ALMS1: variants seen among roughly 807,000 people sequenced by gnomAD.
ALMS1 encodes ALMS1 centrosome and basal body associated protein, also known as centrosome-associated protein ALMS1.
In ALMS1, 271 loss-of-function variants were observed where a neutral mutation model predicts 352.2. The observed-to-expected ratio is 0.77, with a 90% CI of 0.70 to 0.85. ALMS1 has a LOEUF of 0.85. ALMS1 is among the 40% of genes least tolerant of loss of function. The pLI is 0.00. For missense variants in ALMS1, 5,445 were observed against 4,870.7 expected (o/e 1.12, Z -3.51); for synonymous variants, 1,865 against 1,761.2 (o/e 1.06, Z -1.48).
rs1005023202 is a variant in ALMS1, at chr2:73,483,567, G to C, written c.7675-6067G>C. Reference sequence around the variant, plus strand: ...ATATTCTGTTGATTTGGGGTGGAGAGTTCTGTAGATGTCTATTAGGTCCAC... The same window carrying C: ...ATATTCTGTTGATTTGGGGTGGAGACTTCTGTAGATGTCTATTAGGTCCAC... On this transcript the variant is annotated intron_variant, in intron 9 of 22. Coordinates refer to ENST00000613296, the MANE Select transcript of ALMS1 (RefSeq NM_001378454.1). 1.2e-4 allele frequency among the ~76,000 whole-genome samples: 18 copies of C among 151,876 alleles called. No individual in the cohort carries two copies. The South Asian group carries it at 2.7e-3, about 23-fold the overall frequency.
chr2:73,500,364 A>G (rs944455392), intron 10 of ALMS1, among the ~76,000 whole-genome samples: 2 of 152,066 alleles, frequency 1.3e-5, no homozygotes, highest in African/African-American at 4.8e-5. Context: ...AGGTACTTTT[A>G]TCCCTTTTCT....
At chr2:73,474,990 TTGTAA>T (rs1160234392) in intron 9 of ALMS1, among the ~76,000 whole-genome samples, 2 of 152,162 alleles carry the variant, frequency 1.3e-5, no homozygotes, top group Non-Finnish European at 2.9e-5. Flanking sequence ...ATAAACAGAA[TTGTAA>T]TGTATGATCT....
intron 16 of ALMS1, among the ~76,000 whole-genome samples, chr2:73,586,934 G>A (rs1055534142): frequency 6.6e-6 from 1 of 151,884 alleles, no homozygotes; most frequent in Non-Finnish European, 1.5e-5. Flanking sequence ...TCAGCAGTGT[G>A]TTTCTCATTT....
chr2:73,564,089 G>A (rs1171169154), intron 15 of ALMS1, among the ~76,000 whole-genome samples: 1 of 150,526 alleles, frequency 6.6e-6, no homozygotes, highest in Non-Finnish European at 1.5e-5. Flanking sequence ...AGCCTATATG[G>A]GTTAAACTTA....
chr2:73,534,994 T>C, intron 12 of ALMS1, 45 bp downstream of exon 12: 1 of 1,610,302 alleles, frequency 6.2e-7, no homozygotes, highest in Middle Eastern at 1.7e-4. Flanking sequence ...TGATATTTTA[T>C]TTGTGTATTG....
intron 9 of ALMS1, among the ~76,000 whole-genome samples, chr2:73,464,414 C>G (rs1012741655): frequency 3.9e-5 from 6 of 152,284 alleles, no homozygotes; most frequent in African/African-American, 1.4e-4. Flanking sequence ...GCTAGAAACT[C>G]TCAATAAATG....
At chr2:73,529,310 T>C (rs544692779) in intron 11 of ALMS1, among the ~76,000 whole-genome samples, 1 of 152,208 alleles carries the variant, frequency 6.6e-6, no homozygotes, top group South Asian at 2.1e-4. Context: ...TCCCAAAGTG[T>C]TGGAATTACA....
chr2:73,484,280 ATC>A (rs1275713968), intron 9 of ALMS1, among the ~76,000 whole-genome samples: 1 of 150,760 alleles, frequency 6.6e-6, no homozygotes, highest in East Asian at 1.9e-4. Context: ...TGGTGACAAA[ATC>A]TCTCAGCATT....
chr2:73,393,890 G>A (rs930958576), intron 1 of ALMS1, among the ~76,000 whole-genome samples: 15 of 148,512 alleles, frequency 1.0e-4, no homozygotes, highest in Non-Finnish European at 1.8e-4. Flanking sequence ...GTGCAATCTC[G>A]GCTCACTGCA....
intron 10 of ALMS1, among the ~76,000 whole-genome samples, chr2:73,511,423 G>A (rs1226212066): frequency 1.3e-5 from 2 of 151,982 alleles, no homozygotes; most frequent in Non-Finnish European, 2.9e-5. Context: ...AGGGGAGGGA[G>A]TTCCCCAACC....
intron 10 of ALMS1, among the ~76,000 whole-genome samples, chr2:73,515,057 A>T (rs150457670): frequency 3.9e-5 from 6 of 152,132 alleles, no homozygotes; most frequent in Non-Finnish European, 5.9e-5. Context: ...TTCTCCTAGG[A>T]GTAAGATTAC....
rs775453044 is a variant in ALMS1, at chr2:73,573,306, G to T, written c.11429G>T (p.Ser3810Ile). 1 of 1,614,066 alleles carries T rather than the reference G, an allele frequency of 6.2e-7. No homozygotes were observed. The highest frequency in any genetic ancestry group is 2.2e-5 in the East Asian group (1 of 44,874). ...CLSPRRIKLY[S>I]SITNQQRRYL... ...TCACCCAGACGAATTAAATTATATA[G>T]CAGCATCACCAACCAACAGAGGAGA... Residue 3810 changes from serine to isoleucine, a missense_variant, in exon 16 of 23, where the codon AGC (serine) becomes ATC (isoleucine). By Grantham distance (142) the Ser-to-Ile change is moderately radical (BLOSUM62 -2). Coordinates refer to ENST00000613296, the MANE Select transcript of ALMS1 (RefSeq NM_001378454.1).
chr2:73,551,933 G>T (rs1040399240), intron 13 of ALMS1, among the ~76,000 whole-genome samples: 1 of 152,108 alleles, frequency 6.6e-6, no homozygotes, highest in Non-Finnish European at 1.5e-5. Flanking sequence ...CTGATCCCAG[G>T]GCAGTTTTTA....
intron 9 of ALMS1, among the ~76,000 whole-genome samples, chr2:73,464,277 A>G (rs1672275945): frequency 6.6e-6 from 1 of 152,262 alleles, no homozygotes; most frequent in African/African-American, 2.4e-5. Context: ...CCTGGGATGC[A>G]AGGCTGGTTC....
chr2:73,482,289 T>G (rs755316141), intron 9 of ALMS1, among the ~76,000 whole-genome samples: 1 of 152,084 alleles, frequency 6.6e-6, no homozygotes, highest in Non-Finnish European at 1.5e-5. Flanking sequence ...TAGCATGAAG[T>G]GTTGTTGAAT....
intron 12 of ALMS1, among the ~76,000 whole-genome samples, chr2:73,549,399 G>A (rs995371083): frequency 4.6e-5 from 7 of 152,126 alleles, no homozygotes; most frequent in African/African-American, 1.7e-4. Flanking sequence ...CTTCCGTTAT[G>A]TTGCATTTTA....
chr2:73,596,029 C>G (rs1429802729), intron 16 of ALMS1, among the ~76,000 whole-genome samples: 1 of 152,152 alleles, frequency 6.6e-6, no homozygotes, highest in African/African-American at 2.4e-5. Context: ...GTTACAAGTC[C>G]TTTATCAGAT....
intron 12 of ALMS1, among the ~76,000 whole-genome samples, chr2:73,535,633 A>C (rs1674011853): frequency 2.0e-5 from 3 of 152,200 alleles, no homozygotes; most frequent in Non-Finnish European, 2.9e-5. Context: ...CTAGAATTTT[A>C]AACTATCCTG....
chr2:73,390,281 G>A (rs540268370), intron 1 of ALMS1, among the ~76,000 whole-genome samples: 2 of 152,266 alleles, frequency 1.3e-5, no homozygotes, highest in Admixed American at 6.5e-5. Flanking sequence ...TTTCTTGCTA[G>A]AAATTTATGA....
Sources: gnomAD v4.1 joint callset for allele counts (sites outside exome capture counted in the v4.1 genomes callset) on GRCh38, gnomAD v4.1.1 for gene constraint, MANE v1.5 for transcripts, NCBI Gene and HGNC (gene_info 2026-07-23, HGNC 2026-07-21) for gene names.